Variants in MALRD1 observed in about 807,000 individuals in gnomAD.
MALRD1 encodes the protein MAM and LDL-receptor class A domain-containing protein 1.
Under a neutral mutation model 242.1 loss-of-function variants are expected in MALRD1, and 247 were observed. The ratio of observed to expected loss-of-function variants is 1.02; its 90% CI spans 0.92 to 1.13. The LOEUF is 1.13. Ranked by LOEUF, MALRD1 falls within the 50% of genes most tolerant of loss-of-function variation. MALRD1 has a pLI of 0.00. For synonymous variants in MALRD1, 995 were observed against 866.6 expected, an observed-to-expected ratio of 1.15 and a Z score of -2.60; for missense variants, 2,989 against 2,533.1, an observed-to-expected ratio of 1.18 and a Z score of -3.86.
intron 38 of MALRD1, among the ~76,000 whole-genome samples, chr10:19,715,253 G>A (rs997429489): frequency 2.6e-5 from 4 of 151,688 alleles, no homozygotes; most frequent in Admixed American, 6.6e-5. Flanking sequence ...TTCTTAAGGT[G>A]GGTTATACCT....
intron 28 of MALRD1, among the ~76,000 whole-genome samples, chr10:19,398,916 TA>T (rs1846704682): frequency 6.6e-6 from 1 of 152,244 alleles, no homozygotes; most frequent in Non-Finnish European, 1.5e-5. Flanking sequence ...AGCAAAGAGC[TA>T]TTTCAGCCAA....
intron 26 of MALRD1, among the ~76,000 whole-genome samples, chr10:19,362,134 G>A (rs1351860168): frequency 2.0e-5 from 3 of 152,028 alleles, no homozygotes; most frequent in African/African-American, 7.2e-5. Context: ...TTTCTGACCA[G>A]CCCGTGAGTC....
At chr10:19,220,793 A>G (rs1286592931) in intron 18 of MALRD1, among the ~76,000 whole-genome samples, 2 of 152,170 alleles carry the variant, frequency 1.3e-5, no homozygotes, top group Admixed American at 1.3e-4. Flanking sequence ...TTCAGTATCA[A>G]TGGCAGTCAT....
chr10:19,358,175 T>C (rs1038335587), intron 26 of MALRD1, among the ~76,000 whole-genome samples: 3 of 141,034 alleles, frequency 2.1e-5, no homozygotes, highest in Non-Finnish European at 4.7e-5. Context: ...CCTATATATA[T>C]GCAATCAGGG....
chr10:19,644,023 CT>C (rs11285331), intron 36 of MALRD1, among the ~76,000 whole-genome samples: 6,498 of 152,214 alleles, frequency 0.043, 422 homozygotes, highest in African/African-American at 0.14. Context: ...GTTCAAAGAG[CT>C]CTCTCCTCTT....
chr10:19,182,517 A>G (rs1835554919), intron 14 of MALRD1, among the ~76,000 whole-genome samples: 1 of 150,984 alleles, frequency 6.6e-6, no homozygotes, highest in Admixed American at 6.6e-5. Context: ...TTTTTAGTAG[A>G]GACGGGGTTT....
chr10:19,580,532 A>G (rs939178465), intron 33 of MALRD1, among the ~76,000 whole-genome samples: 2 of 152,160 alleles, frequency 1.3e-5, no homozygotes, highest in African/African-American at 4.8e-5. Flanking sequence ...ATTAGTGAGT[A>G]GCTTCCTGCT....
rs371357377 is a variant in MALRD1, at chr10:19,284,970, A to T, written c.3419+1789A>T. 2.9e-4 allele frequency among the ~76,000 whole-genome samples: 13 copies of T among 44,872 alleles called. No homozygotes were observed. In the East Asian group the frequency reaches 6.1e-3, roughly 21 times the overall value. The allele number at this position is 44,872 out of a possible 152,430, so 29.4% of individuals were successfully genotyped here. On this transcript the variant is annotated intron_variant, in intron 21 of 39. Coordinates refer to ENST00000454679, the MANE Select transcript of MALRD1 (RefSeq NM_001142308.3). ...TAACTGGTGTGAGATGATATCTCAT[A>T]GTGGTTTTGATTTGCATTTCTCTGA...
intron 36 of MALRD1, among the ~76,000 whole-genome samples, chr10:19,672,673 C>T (rs1841978133): frequency 6.6e-6 from 1 of 152,076 alleles, no homozygotes; most frequent in African/African-American, 2.4e-5. Flanking sequence ...ATCTGTCTGC[C>T]TCGGCCTCCC....
chr10:19,714,050 C>T (rs1388224411), intron 38 of MALRD1, among the ~76,000 whole-genome samples: 1 of 151,986 alleles, frequency 6.6e-6, no homozygotes, highest in African/African-American at 2.4e-5. Context: ...TCTCAGTGGG[C>T]GTGTGTTATA....
At chr10:19,709,325 G>A (rs900223552) in intron 38 of MALRD1, among the ~76,000 whole-genome samples, 1 of 151,828 alleles carries the variant, frequency 6.6e-6, no homozygotes, top group Non-Finnish European at 1.5e-5. Context: ...CCTGAGGCAG[G>A]GGAATCGCTT....
intron 16 of MALRD1, among the ~76,000 whole-genome samples, 158 bp downstream of exon 16, chr10:19,204,571 A>G (rs1193536965): frequency 6.6e-6 from 1 of 152,160 alleles, no homozygotes; most frequent in Non-Finnish European, 1.5e-5. Context: ...AATTTTACCT[A>G]GGAGCGTGTT....
intron 18 of MALRD1, among the ~76,000 whole-genome samples, chr10:19,249,378 T>A (rs1839206397): frequency 6.6e-6 from 1 of 151,610 alleles, no homozygotes; most frequent in African/African-American, 2.4e-5. Flanking sequence ...GATAGTAGTG[T>A]GAAATATTAG....
intron 31 of MALRD1, among the ~76,000 whole-genome samples, chr10:19,512,868 A>T (rs1265350490): frequency 6.6e-6 from 1 of 152,126 alleles, no homozygotes; most frequent in Non-Finnish European, 1.5e-5. Flanking sequence ...ATAATGATTC[A>T]TGGAGTGCAT....
intron 33 of MALRD1, among the ~76,000 whole-genome samples, chr10:19,579,726 C>T (rs1837012481): frequency 6.6e-6 from 1 of 152,084 alleles, no homozygotes; most frequent in Admixed American, 6.6e-5. Context: ...GAATACCAAC[C>T]AAAAACGGTA....
At chr10:19,557,089 T>C (rs1298349975) in intron 32 of MALRD1, among the ~76,000 whole-genome samples, 1 of 152,138 alleles carries the variant, frequency 6.6e-6, no homozygotes, top group Non-Finnish European at 1.5e-5. Context: ...TTGAATAGAT[T>C]CTTTAGGGAG....
chr10:19,602,936 C>T (rs1165286228), intron 34 of MALRD1, among the ~76,000 whole-genome samples: 1 of 152,150 alleles, frequency 6.6e-6, no homozygotes, highest in African/African-American at 2.4e-5. Flanking sequence ...TTGCATTTCT[C>T]TGATGGCCAG....
At chr10:19,448,456 A>G (rs1355619563) in intron 28 of MALRD1, among the ~76,000 whole-genome samples, 1 of 152,142 alleles carries the variant, frequency 6.6e-6, no homozygotes, top group African/African-American at 2.4e-5. Context: ...TCTTTGCCAA[A>G]TATCCATCAT....
intron 33 of MALRD1, among the ~76,000 whole-genome samples, chr10:19,589,920 C>G (rs867361861): frequency 4.6e-5 from 7 of 152,096 alleles, no homozygotes; most frequent in Non-Finnish European, 1.0e-4. Context: ...CAGTAATTGT[C>G]TCGCATAATG....
Sources: gnomAD v4.1 joint callset for allele counts (sites outside exome capture counted in the v4.1 genomes callset) on GRCh38, gnomAD v4.1.1 for gene constraint, MANE v1.5 for transcripts, NCBI Gene and HGNC (gene_info 2026-07-23, HGNC 2026-07-21) for gene names.